EEF1D: variants seen among roughly 807,000 people sequenced by gnomAD.
EEF1D encodes eukaryotic translation elongation factor 1 delta.
Under a neutral mutation model 63.9 loss-of-function variants are expected in EEF1D, and 47 were observed. That is an observed-to-expected ratio of 0.74 (90% CI 0.58 to 0.94). EEF1D has a LOEUF of 0.94. Ranked by LOEUF, EEF1D falls within the 40% of genes least tolerant of loss-of-function variation. The probability of loss-of-function intolerance (pLI) is 0.00; values close to 1 mark genes in which losing one functional copy is unlikely to be tolerated. For missense variants in EEF1D, 907 were observed against 899.0 expected, an observed-to-expected ratio of 1.01 and a Z score of -0.11; for synonymous variants, 412 against 386.1, an observed-to-expected ratio of 1.07 and a Z score of -0.79.
At position 143,581,220 on chromosome 8, in the gene EEF1D, G is replaced by A; in HGVS notation, c.1387+9C>T. 1 of 1,612,762 alleles carries A rather than the reference G, an allele frequency of 6.2e-7. No homozygotes were observed. Among genetic ancestry groups the A allele is most frequent in the South Asian group, 1.1e-5 (1 of 91,070 alleles). On this transcript the variant is annotated intron_variant, in intron 6 of 9. Coordinates refer to ENST00000618139, the MANE Select transcript of EEF1D (RefSeq NM_001130053.5). ...GGGACAGCCCCAACCCACTGGCCCG[G>A]GGCCTCACCGCCACGCAGACTCTGG...
In EEF1D at chr8:143,589,849, T is replaced by C. The variant is rs1300395876; in HGVS notation, c.233A>G (p.Gln78Arg). ...TTTCTGCAGGGGCTTCCTGCTGTCC[T>C]GGCTCTTCCTGGGATCACGCCTGCT... is the stretch of plus-strand genomic sequence containing the variant. Reference protein sequence around the residue: ...GGSRRDPRKSQDSRKPLQKKR... With the variant: ...GGSRRDPRKSRDSRKPLQKKR... Residue 78 changes from glutamine (Q) to arginine (R), a missense_variant, in exon 3 of 10, where the codon CAG becomes CGG. Transcript: ENST00000618139. 2 of 1,603,744 alleles carry C rather than the reference T, an allele frequency of 1.2e-6. No homozygotes were observed. The highest frequency in any genetic ancestry group is 2.2e-5 in the East Asian group (1 of 44,786).
chr8:143,581,161 G>A lies in EEF1D; in HGVS notation c.1388-7C>T, dbSNP rs1445564797. On this transcript the variant is annotated splice_region_variant and splice_polypyrimidine_tract_variant and intron_variant, in intron 6 of 9. Coordinates refer to ENST00000618139, the MANE Select transcript of EEF1D (RefSeq NM_001130053.5). ...TGCTGCAGCTCCTGTACCACTGGGG[G>A]GGCAAGGGGAGCACGGTTAGATGGC... 6.2e-7 allele frequency: 1 copy of A among 1,612,936 alleles called. No homozygotes were observed. The highest frequency in any genetic ancestry group is 8.5e-7 in the Non-Finnish European group (1 of 1,179,946).
At position 143,581,775 on chromosome 8, in the gene EEF1D, C is replaced by T. The variant is rs141919824; in HGVS notation, c.1288-447G>A. The T allele has an allele frequency of 2.1e-3, 365 of 175,760 alleles. 3 individuals are homozygous for T. In the Middle Eastern group the frequency reaches 0.022, roughly 10 times the overall value. 10.9% of individuals were successfully genotyped at this position (175,760 alleles called of 1,614,324 possible). ...GAAGGAAGGAGCCCACCTGTGTGGA[C>T]AGCAGCCACCCAAAGCTTTGTCTCC... On this transcript the variant is annotated intron_variant, in intron 5 of 9. Transcript: ENST00000618139.
At chr8:143,593,602 C>T (rs1021045454) in intron 1 of EEF1D, among the ~76,000 whole-genome samples, 1 of 152,128 alleles carries the variant, frequency 6.6e-6, no homozygotes, top group South Asian at 2.1e-4. Context: ...AACTGGGCAC[C>T]CTGCAGGGGT....
chr8:143,586,298 C>A lies in EEF1D; in HGVS notation c.1216-8G>T. 6.3e-7 allele frequency: 1 copy of A among 1,583,770 alleles called. No individual in the cohort carries two copies. The highest frequency in any genetic ancestry group is 1.2e-5 in the South Asian group (1 of 86,916). ...CACGCTGGCGCCGTTCTCCTGCAGA[C>A]AGTGCAGAAAGAACCAGTCTTTTTT... On this transcript the variant is annotated splice_region_variant and splice_polypyrimidine_tract_variant and intron_variant, in intron 4 of 9. Transcript: ENST00000618139.
chr8:143,596,939 G>T (rs772478513), intron 1 of EEF1D: 1 of 152,328 alleles, frequency 6.6e-6, no homozygotes, highest in Non-Finnish European at 1.5e-5. Context: ...CAGCTGATGC[G>T]TGCAGTAACT....
At chr8:143,584,190 A>AC (rs1459387140) in intron 5 of EEF1D, 1 of 152,282 alleles carries the variant, frequency 6.6e-6, no homozygotes, top group East Asian at 1.9e-4. Flanking sequence ...GGAATGCCTA[A>AC]CAATGTGGAG....
chr8:143,581,597 T>C (rs1825579765), intron 5 of EEF1D: 3 of 535,586 alleles, frequency 5.6e-6, no homozygotes, highest in African/African-American at 3.8e-5. Flanking sequence ...TGGCTGCTGC[T>C]GCCCGGCGGA....
intron 5 of EEF1D, chr8:143,582,542 C>T (rs1275940915): frequency 6.6e-6 from 1 of 152,318 alleles, no homozygotes; most frequent in African/African-American, 2.4e-5. Flanking sequence ...CACCTGAGGC[C>T]TCATGCACCC....
chr8:143,592,878 G>A (rs4874164), intron 1 of EEF1D: 120,870 of 163,842 alleles, frequency 0.74, 46,408 homozygotes, highest in Non-Finnish European at 0.85. Context: ...CACAGGTGAC[G>A]TCACTCCGTC....
chr8:143,588,395 C>T (rs1343397078), intron 3 of EEF1D, among the ~76,000 whole-genome samples: 1 of 152,240 alleles, frequency 6.6e-6, no homozygotes, highest in Non-Finnish European at 1.5e-5. Context: ...TGCACCTGCA[C>T]CCTGGAGCAA....
At chr8:143,587,732 G>C (rs889315495) in intron 3 of EEF1D, among the ~76,000 whole-genome samples, 6 of 152,246 alleles carry the variant, frequency 3.9e-5, no homozygotes, top group Non-Finnish European at 7.3e-5. Flanking sequence ...CCCTAGACAG[G>C]GACCATGGCC....
chr8:143,586,961 G>C (rs993891759), intron 3 of EEF1D, 109 bp from the exon 4 acceptor site: 1 of 1,480,006 alleles, frequency 6.8e-7, no homozygotes, highest in Admixed American at 1.8e-5. Flanking sequence ...TCAGACACCA[G>C]CGGTTCTCCA....
chr8:143,586,309 G>C lies in EEF1D; in HGVS notation c.1216-19C>G. 1.3e-6 allele frequency: 2 copies of C among 1,527,354 alleles called. No individual in the cohort carries two copies. Among genetic ancestry groups the C allele is most frequent in the Non-Finnish European group, 1.8e-6 (2 of 1,142,312 alleles). 94.6% of individuals were successfully genotyped at this position (1,527,354 alleles called of 1,614,324 possible). A position where few individuals can be genotyped will look rare whatever the true frequency, so the allele number is the denominator to read the frequency against. ...CGTTCTCCTGCAGACAGTGCAGAAAGAACCAGTCTTTTTTTTATTATTAAA... is the reference window on the plus strand; with the variant it reads ...CGTTCTCCTGCAGACAGTGCAGAAACAACCAGTCTTTTTTTTATTATTAAA... On this transcript the variant is annotated intron_variant, in intron 4 of 9. Transcript: ENST00000618139.
At chr8:143,593,455 G>T (rs1828304031) in intron 1 of EEF1D, among the ~76,000 whole-genome samples, 1 of 152,196 alleles carries the variant, frequency 6.6e-6, no homozygotes, top group Non-Finnish European at 1.5e-5. Context: ...CTGGGCAGGA[G>T]GGGCCACCTC....
rs144750496 is a variant in EEF1D, at chr8:143,589,994, G to T, written c.88C>A (p.His30Asn). ...GAGGCGGCCGCCTGTGTGGCCTCGTGTTCGTAGAAGCGCCGCTCGGCCTCC... is the reference window on the plus strand; with the variant it reads ...GAGGCGGCCGCCTGTGTGGCCTCGTTTTCGTAGAAGCGCCGCTCGGCCTCC... ...YEEAERRFYE[H>N]EATQAAASAQ... Residue 30 changes from histidine to asparagine, a missense_variant, in exon 3 of 10, where the codon CAC becomes AAC. By Grantham distance (68) the His-to-Asn change is moderately conservative. Transcript: ENST00000618139. 1.7e-4 allele frequency: 268 copies of T among 1,599,364 alleles called. 1 individual carries two copies. The highest frequency in any genetic ancestry group is 2.2e-4 in the Non-Finnish European group (259 of 1,179,768).
Position 143,581,346 on chromosome 8 carries a change from G to T in EEF1D, c.1288-18C>A. On this transcript the variant is annotated intron_variant, in intron 5 of 9. Transcript: ENST00000618139. The stretch of plus-strand genomic sequence containing the variant: ...CCTGAGCTCTGCAAGGCAGGAGGAG[G>T]GGAGGGCTCAGTGCCCAGCCTGCTC... The T allele has an allele frequency of 6.2e-7, 1 of 1,605,972 alleles. No homozygotes were observed.
At chr8:143,591,876 G>A (rs1828024367) in intron 2 of EEF1D, among the ~76,000 whole-genome samples, 1 of 152,246 alleles carries the variant, frequency 6.6e-6, no homozygotes, top group South Asian at 2.1e-4. Context: ...CAGGCAGGGA[G>A]GACTTTTGGG....
intron 5 of EEF1D, among the ~76,000 whole-genome samples, chr8:143,585,559 C>A (rs1826416068): frequency 6.6e-6 from 1 of 152,220 alleles, no homozygotes; most frequent in South Asian, 2.1e-4. Flanking sequence ...GAAACACTGA[C>A]CCCGTTCTTG....
Sources: gnomAD v4.1 joint callset for allele counts (sites outside exome capture counted in the v4.1 genomes callset) on GRCh38, gnomAD v4.1.1 for gene constraint, MANE v1.5 for transcripts, NCBI Gene and HGNC (gene_info 2026-07-23, HGNC 2026-07-21) for gene names.